IQSEC1: variants seen among roughly 807,000 people sequenced by gnomAD.
The protein encoded by IQSEC1 is IQ motif and Sec7 domain ArfGEF 1, also known as IQ motif and SEC7 domain-containing protein 1.
In IQSEC1, 31 loss-of-function variants were observed where a neutral mutation model predicts 91.0. The ratio of observed to expected loss-of-function variants is 0.34; its 90% CI spans 0.26 to 0.46. IQSEC1 has a LOEUF of 0.46. IQSEC1 is among the 20% of genes least tolerant of loss of function. The probability of loss-of-function intolerance (pLI) is 1.00; values close to 1 mark genes in which losing one functional copy is unlikely to be tolerated. For synonymous variants in IQSEC1, 699 were observed against 662.6 expected, an observed-to-expected ratio of 1.05 and a Z score of -0.84; for missense variants, 1,388 against 1,575.6, an observed-to-expected ratio of 0.88 and a Z score of 2.02.
upstream of IQSEC1, among the ~76,000 whole-genome samples, chr3:13,076,136 G>A (rs1478396443): frequency 6.6e-6 from 1 of 152,196 alleles, no homozygotes; most frequent in Non-Finnish European, 1.5e-5. Flanking sequence ...GGAAGCAGGG[G>A]CAGCCAGCCT....
At chr3:13,233,196 C>T (rs1435237775) in intron 1 of IQSEC1, among the ~76,000 whole-genome samples, 1 of 152,194 alleles carries the variant, frequency 6.6e-6, no homozygotes, top group Non-Finnish European at 1.5e-5. Context: ...ATGCAGATTC[C>T]AGGGCAGAGT....
intron 2 of IQSEC1, among the ~76,000 whole-genome samples, chr3:13,134,159 G>C (rs983985818): frequency 6.6e-5 from 10 of 152,248 alleles, no homozygotes; most frequent in African/African-American, 1.7e-4. Context: ...ACGTGGGATG[G>C]AGGGTGTGGA....
chr3:12,988,129 G>A (rs2125616596), intron 1 of IQSEC1, among the ~76,000 whole-genome samples: 1 of 152,296 alleles, frequency 6.6e-6, no homozygotes, highest in East Asian at 1.9e-4. Flanking sequence ...TATTTAAAAG[G>A]ACAGCTGGGC....
At chr3:12,978,553 A>G (rs1701298435) in intron 1 of IQSEC1, among the ~76,000 whole-genome samples, 1 of 151,894 alleles carries the variant, frequency 6.6e-6, no homozygotes, top group African/African-American at 2.4e-5. Context: ...AAAAACTACA[A>G]AAATTAGCCG....
At chr3:13,240,917 T>C (rs17037948) in intron 1 of IQSEC1, among the ~76,000 whole-genome samples, 10,885 of 152,252 alleles carry the variant, frequency 0.071, 694 homozygotes, top group African/African-American at 0.17. Flanking sequence ...CAGTCATTTG[T>C]TAACGTAGTT....
chr3:13,039,668 T>C (rs888722905), intron 1 of IQSEC1, among the ~76,000 whole-genome samples: 2 of 152,224 alleles, frequency 1.3e-5, no homozygotes, highest in African/African-American at 2.4e-5. Context: ...CCTTTCCCCA[T>C]GTTACACAGC....
At chr3:13,111,111 C>T (rs1408910721) in intron 2 of IQSEC1, among the ~76,000 whole-genome samples, 1 of 152,226 alleles carries the variant, frequency 6.6e-6, no homozygotes, top group African/African-American at 2.4e-5. Context: ...TCCTGCCCTG[C>T]AGAGGCTGGA....
chr3:13,004,481 C>G (rs1004428658), intron 1 of IQSEC1, among the ~76,000 whole-genome samples: 1 of 152,160 alleles, frequency 6.6e-6, no homozygotes, highest in South Asian at 2.1e-4. Context: ...GATCTGGAGC[C>G]TTGGAGGGCA....
chr3:13,024,061 G>A (rs1389316848), intron 1 of IQSEC1, among the ~76,000 whole-genome samples: 1 of 152,120 alleles, frequency 6.6e-6, no homozygotes, highest in African/African-American at 2.4e-5. Context: ...TTTTCATACT[G>A]GCCTCGGTTC....
chr3:13,258,024 A>T (rs1321143273), intron 1 of IQSEC1, among the ~76,000 whole-genome samples: 1 of 152,250 alleles, frequency 6.6e-6, no homozygotes, highest in Non-Finnish European at 1.5e-5. Flanking sequence ...AAAGCCATGG[A>T]GGAAGCTTCA....
chr3:13,192,206 C>T (rs1219644590), intron 1 of IQSEC1, among the ~76,000 whole-genome samples: 6 of 151,988 alleles, frequency 3.9e-5, no homozygotes, highest in African/African-American at 7.2e-5. Context: ...GGCATGGTGG[C>T]GGGCGCCTGT....
At chr3:13,040,025 G>A (rs1024212039) in intron 1 of IQSEC1, among the ~76,000 whole-genome samples, 4 of 152,238 alleles carry the variant, frequency 2.6e-5, no homozygotes, top group Admixed American at 1.3e-4. Flanking sequence ...CAGAGTTGGT[G>A]CTCAGAATGA....
chr3:13,022,027 C>T (rs1478260112), intron 1 of IQSEC1: 22 of 1,231,380 alleles, frequency 1.8e-5, no homozygotes, highest in Admixed American at 8.4e-5. Flanking sequence ...GCACGCGTCC[C>T]GGTACCTGAG....
rs904236363 is a variant in IQSEC1 at position 13,099,283 on chromosome 3, G to A, written c.303-51761C>T. Among the ~76,000 whole-genome samples, 3 of 152,330 alleles carry A rather than the reference G, an allele frequency of 2.0e-5. No individual in the cohort carries two copies. The East Asian group carries it at 5.8e-4, about 29-fold the overall frequency. ...CATCGGCTATATCAGGGTCCACTAGGGGCACCAGAATATAGCTGGTGGGGC... is the reference window on the plus strand; with the variant it reads ...CATCGGCTATATCAGGGTCCACTAGAGGCACCAGAATATAGCTGGTGGGGC... On this transcript the variant is annotated intron_variant, in intron 2 of 15. Transcript: ENST00000648114.
intron 1 of IQSEC1, among the ~76,000 whole-genome samples, chr3:12,953,497 T>G (rs1488717315): frequency 6.6e-6 from 1 of 152,212 alleles, no homozygotes. Flanking sequence ...TTTATATATA[T>G]AGAAAAATAT....
chr3:13,067,353 A>G (rs1223565030), intron 1 of IQSEC1, among the ~76,000 whole-genome samples: 1 of 152,186 alleles, frequency 6.6e-6, no homozygotes, highest in Non-Finnish European at 1.5e-5. Flanking sequence ...AGCACCCAGG[A>G]GCAACGCCTC....
At chr3:13,150,102 T>C (rs866551333) in intron 2 of IQSEC1, among the ~76,000 whole-genome samples, 1 of 152,170 alleles carries the variant, frequency 6.6e-6, no homozygotes, top group South Asian at 2.1e-4. Flanking sequence ...AGACCAGCCC[T>C]GAATGATGAG....
At chr3:12,956,149 A>C (rs1454455442) in intron 1 of IQSEC1, among the ~76,000 whole-genome samples, 1 of 152,036 alleles carries the variant, frequency 6.6e-6, no homozygotes, top group East Asian at 1.9e-4. Context: ...TGTCACCACC[A>C]AAGTCCCCAC....
At chr3:13,145,107 C>T (rs936578218) in intron 2 of IQSEC1, among the ~76,000 whole-genome samples, 1 of 152,210 alleles carries the variant, frequency 6.6e-6, no homozygotes, top group African/African-American at 2.4e-5. Flanking sequence ...GCATGAGCCC[C>T]CCCATCTGCT....
Sources: allele counts gnomAD v4.1 joint callset (sites outside exome capture counted in the v4.1 genomes callset), GRCh38; gene constraint gnomAD v4.1.1; transcripts MANE v1.5; gene names NCBI Gene and HGNC (gene_info 2026-07-23, HGNC 2026-07-21).